Variants in UGT1A1 observed in about 807,000 individuals in gnomAD.
UGT1A1 encodes UDP-glucuronosyltransferase 1A1.
In UGT1A1, 33 loss-of-function variants were observed where a neutral mutation model predicts 40.6. The ratio of observed to expected loss-of-function variants is 0.81; its 90% CI spans 0.62 to 1.09. The LOEUF (loss-of-function observed/expected upper bound fraction) is 1.09, where lower values mean the gene tolerates loss of function less well. Ranked by LOEUF, UGT1A1 falls within the 50% of genes least tolerant of loss-of-function variation. The pLI is 0.00. For synonymous variants in UGT1A1, 249 were observed against 265.0 expected (o/e 0.94, Z 0.59); for missense variants, 694 against 671.2 (o/e 1.03, Z -0.38).
In UGT1A1 at chr2:233,769,858, A is replaced by AC. The variant is rs557718673; in HGVS notation, c.1304+1419_1304+1420insC. The AC allele has an allele frequency of 9.4e-6, 1 of 106,936 alleles. No individual in the cohort carries two copies. Among genetic ancestry groups the AC allele is most frequent in the Non-Finnish European group, 1.7e-5 (1 of 60,026 alleles). 6.6% of individuals were successfully genotyped at this position (106,936 alleles called of 1,614,324 possible). On this transcript the variant is annotated intron_variant, in intron 4 of 4. Transcript: ENST00000305208. This position sits in a 1 kb window ranked among gnomAD's most constrained non-coding sequence, Gnocchi z 4.4. Reference sequence around the variant, plus strand: ...GGGCAACAGAGTGAGACCCTGTCTCAAAAAAAAAAAAAAAAATGAAAAGTC... The same window carrying AC: ...GGGCAACAGAGTGAGACCCTGTCTCACAAAAAAAAAAAAAAAATGAAAAGTC...
chr2:233,772,520 A>C lies in UGT1A1; in HGVS notation c.1563A>C (p.Lys521Asn). The change falls in exon 5 of 5, where the codon AAA (lysine) becomes AAC (asparagine). Residue 521 changes from lysine (K) to asparagine (N), a missense_variant. Coordinates refer to ENST00000305208, the MANE Select transcript of UGT1A1 (RefSeq NM_000463.3). ...AYGYRKCLGK[K>N]GRVKKAHKSK... is the part of the protein sequence containing the mutation. ...GCTACCGGAAATGCTTGGGGAAAAA[A>C]GGGCGAGTTAAGAAAGCCCACAAAT... 1.2e-6 allele frequency: 2 copies of C among 1,614,206 alleles called. No individual in the cohort carries two copies. Among genetic ancestry groups the C allele is most frequent in the Non-Finnish European group, 1.7e-6 (2 of 1,180,032 alleles).
At chr2:233,763,025 C>T (rs532955500) in intron 1 of UGT1A1, among the ~76,000 whole-genome samples, 9 of 152,224 alleles carry the variant, frequency 5.9e-5, no homozygotes, top group African/African-American at 2.2e-4. Context: ...ATTATGTTAG[C>T]CATTGTTTTC....
rs1004676304 is a variant in UGT1A1, at chr2:233,769,752, G to A, written c.1304+1313G>A. On this transcript the variant is annotated intron_variant, in intron 4 of 4. Transcript: ENST00000305208. This position sits in a 1 kb window ranked among gnomAD's most constrained non-coding sequence, Gnocchi z 4.4. ...CGCCTGTAGTCCCAGCCACTCTGGA[G>A]GCTAAGGCGGGAGGATTGCTTGAGC... is the stretch of plus-strand genomic sequence containing the variant. The A allele has an allele frequency of 7.0e-6, 10 of 1,432,670 alleles. No homozygotes were observed. In the African/African-American group the frequency reaches 1.3e-4, roughly 18 times the overall value. 88.7% of individuals were successfully genotyped at this position (1,432,670 alleles called of 1,614,324 possible). A position where few individuals can be genotyped will look rare whatever the true frequency, so the allele number is the denominator to read the frequency against.
In UGT1A1 at chr2:233,760,763, T is replaced by C. The variant is rs587784539; in HGVS notation, c.476T>C (p.Ile159Thr). 4.6e-5 allele frequency: 74 copies of C among 1,613,968 alleles called. 1 individual carries two copies. In the South Asian group the frequency reaches 7.5e-4, roughly 16 times the overall value. ...LTDPFLPCSP[I>T]VAQYLSLPTV... is the part of the protein sequence containing the mutation. ...GACCCTTTCCTTCCTTGCAGCCCCA[T>C]CGTGGCCCAGTACCTGTCTCTGCCC... The change falls in exon 1 of 5, where the codon ATC (isoleucine) becomes ACC (threonine). Residue 159 changes from isoleucine (I) to threonine (T), a missense_variant. Transcript: ENST00000305208.
rs1575779799 is a variant in UGT1A1 at position 233,761,149 on chromosome 2, C to A, written c.862C>A (p.Gln288Lys). Residue 288 changes from glutamine to lysine, a missense_variant and splice_region_variant, in exon 1 of 5, where the codon CAG becomes AAG. Coordinates refer to ENST00000305208, the MANE Select transcript of UGT1A1 (RefSeq NM_000463.3). ...INCLHQNPLS[Q>K]EFEAYINASG... ...CTGCCTTCACCAAAATCCACTATCC[C>A]AGGTGTGTATTGGAGTGGGACTTTT... 1 of 1,614,176 alleles carries A rather than the reference C, an allele frequency of 6.2e-7. No homozygotes were observed.
At chr2:233,772,118 A>G (rs186997429) in intron 4 of UGT1A1, 144 bp from the exon 5 acceptor site, 177 of 1,520,864 alleles carry the variant, frequency 1.2e-4, no homozygotes, top group Non-Finnish European at 1.4e-4. Flanking sequence ...GTATCTAAAA[A>G]CAACAACAAC....
intron 4 of UGT1A1, among the ~76,000 whole-genome samples, chr2:233,772,034 G>A (rs1488407782): frequency 1.3e-5 from 2 of 152,152 alleles, no homozygotes; most frequent in African/African-American, 2.4e-5. Context: ...GATGGCTTGA[G>A]CCCAGGAGTT....
chr2:233,769,725 C>T lies in UGT1A1; in HGVS notation c.1304+1286C>T, dbSNP rs1699926771. The T allele has an allele frequency of 6.7e-7, 1 of 1,483,194 alleles. No homozygotes were observed. Among genetic ancestry groups the T allele is most frequent in the Non-Finnish European group, 9.0e-7 (1 of 1,115,276 alleles). 91.9% of individuals were successfully genotyped at this position (1,483,194 alleles called of 1,614,324 possible). On this transcript the variant is annotated intron_variant, in intron 4 of 4. Transcript: ENST00000305208. This position sits in a 1 kb window ranked among gnomAD's most constrained non-coding sequence, Gnocchi z 4.4. The stretch of plus-strand genomic sequence containing the variant: ...TCAATGTTGGCTAGGCACCATGGCA[C>T]ACGCCTGTAGTCCCAGCCACTCTGG...
In UGT1A1 at chr2:233,772,281, C is replaced by T. The variant is rs143033456; in HGVS notation, c.1324C>T (p.Arg442Cys). ...NDKSYKENIM[R>C]LSSLHKDRPV... is the part of the protein sequence containing the mutation. ...GTTTAGTTACAAGGAGAACATCATG[C>T]GCCTCTCCAGCCTTCACAAGGACCG... The change falls in exon 5 of 5, where the codon CGC becomes TGC. Residue 442 changes from arginine to cysteine, a missense_variant. Physicochemically the swap from Arg to Cys is radical, Grantham distance 180. Coordinates refer to ENST00000305208, the MANE Select transcript of UGT1A1 (RefSeq NM_000463.3). 1.3e-4 allele frequency: 210 copies of T among 1,614,084 alleles called. 1 individual carries two copies. Among genetic ancestry groups the T allele is most frequent in the Non-Finnish European group, 1.7e-4 (200 of 1,180,048 alleles).
At position 233,767,112 on chromosome 2, in the gene UGT1A1, C is replaced by G; in HGVS notation, c.943C>G (p.Pro315Ala). Residue 315 changes from proline (P) to alanine (A), a missense_variant, in exon 2 of 5, where the codon CCA (proline) becomes GCA (alanine). Coordinates refer to ENST00000305208, the MANE Select transcript of UGT1A1 (RefSeq NM_000463.3). The part of the protein sequence containing the change: ...FSLGSMVSEI[P>A]EKKAMAIADA... ...TTTGGGATCAATGGTCTCAGAAATT[C>G]CAGAGAAGAAAGCTATGGCAATTGC... 6.2e-7 allele frequency: 1 copy of G among 1,614,080 alleles called. No homozygotes were observed. The highest frequency in any genetic ancestry group is 8.5e-7 in the Non-Finnish European group (1 of 1,180,008).
At chr2:233,770,346 C>T (rs1357381259) in intron 4 of UGT1A1, 2 of 152,134 alleles carry the variant, frequency 1.3e-5, no homozygotes, top group African/African-American at 4.8e-5. Flanking sequence ...TGCTCAATTA[C>T]TATTGAATGA....
At position 233,773,098 on chromosome 2, in the gene UGT1A1, G is replaced by T; in HGVS notation, c.*539G>T. 6.4e-6 allele frequency: 1 copy of T among 156,852 alleles called. No homozygotes were observed. The highest frequency in any genetic ancestry group is 6.1e-5 in the Admixed American group (1 of 16,412). 9.7% of individuals were successfully genotyped at this position (156,852 alleles called of 1,614,324 possible). ...AATGGCTTGGAGTGCACTGAGAACA[G>T]CATATGATTTCTTGCTTTGGGGAAA... On this transcript the variant is annotated 3_prime_UTR_variant, in exon 5 of 5. Coordinates refer to ENST00000305208, the MANE Select transcript of UGT1A1 (RefSeq NM_000463.3).
rs562389152 is a variant in UGT1A1 at position 233,767,124 on chromosome 2, G to C, written c.955G>C (p.Ala319Pro). The C allele has an allele frequency of 6.2e-7, 1 of 1,614,112 alleles. No individual in the cohort carries two copies. The highest frequency in any genetic ancestry group is 2.2e-5 in the East Asian group (1 of 44,864). Residue 319 changes from alanine (A) to proline (P), a missense_variant, in exon 2 of 5, where the codon GCT (alanine) becomes CCT (proline). Transcript: ENST00000305208. ...GGTCTCAGAAATTCCAGAGAAGAAA[G>C]CTATGGCAATTGCTGATGCTTTGGG... ...SMVSEIPEKK[A>P]MAIADALGKI...
rs907498423 is a variant in UGT1A1, at chr2:233,772,974, A to C, written c.*415A>C. The stretch of plus-strand genomic sequence containing the variant: ...GATGGTTGCAATTGATCCTTAACCA[A>C]TAATGGTCAGTCCTCATCTCTGTCG... On this transcript the variant is annotated 3_prime_UTR_variant, in exon 5 of 5. Transcript: ENST00000305208. 3.0e-5 allele frequency: 9 copies of C among 303,654 alleles called. No individual in the cohort carries two copies. The highest frequency in any genetic ancestry group is 5.7e-5 in the Non-Finnish European group (9 of 158,574). The allele number at this position is 303,654 out of a possible 1,614,324, so 18.8% of individuals were successfully genotyped here.
intron 2 of UGT1A1, among the ~76,000 whole-genome samples, chr2:233,767,644 C>T (rs983421121): frequency 2.0e-5 from 3 of 152,120 alleles, no homozygotes; most frequent in South Asian, 4.1e-4. Flanking sequence ...CACAAATTCA[C>T]GTAGTGCATA....
At position 233,761,196 on chromosome 2, in the gene UGT1A1, T is replaced by C. The variant is rs761284519; in HGVS notation, c.864+45T>C. 5.6e-6 allele frequency: 9 copies of C among 1,614,024 alleles called. No homozygotes were observed. The East Asian group carries it at 2.0e-4, about 36-fold the overall frequency. Reference sequence around the variant, plus strand: ...TTTTACATGCGTATATTCTTTCAGATGTATTACTTTGGATCGATTAACTAG... The same window carrying C: ...TTTTACATGCGTATATTCTTTCAGACGTATTACTTTGGATCGATTAACTAG... On this transcript the variant is annotated intron_variant, in intron 1 of 4. Transcript: ENST00000305208.
In UGT1A1 at chr2:233,772,387, C is replaced by T; in HGVS notation, c.1430C>T (p.Ala477Val). The stretch of plus-strand genomic sequence containing the variant: ...AAGGGCGCGCCACACCTGCGCCCCG[C>T]AGCCCACGACCTCACCTGGTACCAG... ...RHKGAPHLRPAAHDLTWYQYH... is the reference protein window; with the variant it reads ...RHKGAPHLRPVAHDLTWYQYH... Residue 477 changes from alanine to valine, a missense_variant, in exon 5 of 5, where the codon GCA (alanine) becomes GTA (valine). Physicochemically the swap from Ala to Val is moderately conservative, Grantham distance 64. Coordinates refer to ENST00000305208, the MANE Select transcript of UGT1A1 (RefSeq NM_000463.3). The T allele has an allele frequency of 6.2e-7, 1 of 1,614,274 alleles. No homozygotes were observed. The highest frequency in any genetic ancestry group is 1.1e-5 in the South Asian group (1 of 91,092).
Position 233,769,718 on chromosome 2 carries a change from C to A in UGT1A1, c.1304+1279C>A. On this transcript the variant is annotated intron_variant, in intron 4 of 4. Coordinates refer to ENST00000305208, the MANE Select transcript of UGT1A1 (RefSeq NM_000463.3). The surrounding 1 kb of genome is among the most constrained non-coding windows in gnomAD (Gnocchi z 4.4). Reference sequence around the variant, plus strand: ...TAAAAGATCAATGTTGGCTAGGCACCATGGCACACGCCTGTAGTCCCAGCC... The same window carrying A: ...TAAAAGATCAATGTTGGCTAGGCACAATGGCACACGCCTGTAGTCCCAGCC... 6.7e-7 allele frequency: 1 copy of A among 1,492,462 alleles called. No individual in the cohort carries two copies. Among genetic ancestry groups the A allele is most frequent in the Non-Finnish European group, 8.9e-7 (1 of 1,119,524 alleles). The allele number at this position is 1,492,462 out of a possible 1,614,324, so 92.5% of individuals were successfully genotyped here.
rs34993780 is a variant in UGT1A1 at position 233,772,413 on chromosome 2, T to C, written c.1456T>C (p.Tyr486His). 6.2e-7 allele frequency: 1 copy of C among 1,614,064 alleles called. No homozygotes were observed. The highest frequency in any genetic ancestry group is 8.5e-7 in the Non-Finnish European group (1 of 1,180,038). The change falls in exon 5 of 5, where the codon TAC becomes CAC. Residue 486 changes from tyrosine (Y) to histidine (H), a missense_variant. By Grantham distance (83) the Tyr-to-His change is moderately conservative (BLOSUM62 2). Coordinates refer to ENST00000305208, the MANE Select transcript of UGT1A1 (RefSeq NM_000463.3). ...AGCCCACGACCTCACCTGGTACCAG[T>C]ACCATTCCTTGGACGTGATTGGTTT... The part of the protein sequence containing the change: ...PAAHDLTWYQ[Y>H]HSLDVIGFLL...
Sources: allele counts gnomAD v4.1 joint callset (sites outside exome capture counted in the v4.1 genomes callset), GRCh38; gene constraint gnomAD v4.1.1; non-coding constraint Gnocchi (gnomAD v3.1); transcripts MANE v1.5; gene names NCBI Gene and HGNC (gene_info 2026-07-23, HGNC 2026-07-21).